The following SLC35G2 variants were observed in gnomAD, a reference collection of about 807,000 sequenced individuals.
The protein encoded by SLC35G2 is solute carrier family 35 member G2.
In SLC35G2, 20 loss-of-function variants were observed where a neutral mutation model predicts 27.2. The ratio of observed to expected loss-of-function variants is 0.74; its 90% CI spans 0.52 to 1.07. The LOEUF (loss-of-function observed/expected upper bound fraction) is 1.07. Among genes scored for constraint, SLC35G2 ranks in the 50% least tolerant of loss-of-function variants. The pLI is 0.00. For synonymous variants in SLC35G2, 148 were observed against 165.3 expected (o/e 0.90, Z 0.80); for missense variants, 416 against 493.3 (o/e 0.84, Z 1.48).
intron 1 of SLC35G2, among the ~76,000 whole-genome samples, chr3:136,853,901 T>G (rs1937814945): frequency 6.6e-6 from 1 of 152,216 alleles, no homozygotes; most frequent in Non-Finnish European, 1.5e-5. Flanking sequence ...TTCATGTTAT[T>G]TATGTTCTAA....
intron 1 of SLC35G2, among the ~76,000 whole-genome samples, chr3:136,840,395 C>G (rs997605726): frequency 5.3e-5 from 8 of 152,144 alleles, no homozygotes; most frequent in African/African-American, 1.9e-4. Context: ...ATTATCACCA[C>G]TGACCTGTCA....
rs1022276967 is a variant in SLC35G2, at chr3:136,846,930, G to A, written c.-18-7513G>A. Among the ~76,000 whole-genome samples, 23 of 152,074 alleles carry A rather than the reference G, an allele frequency of 1.5e-4. 1 individual carries two copies. The highest frequency in any genetic ancestry group is 6.6e-5 in the Admixed American group (1 of 15,260). The stretch of plus-strand genomic sequence containing the variant: ...CACACCTGTAATCCCAGTACTTTGC[G>A]CTAAGGCGAGTGAATCACCTGAGGT... On this transcript the variant is annotated intron_variant, in intron 1 of 1. Coordinates refer to ENST00000446465, the MANE Select transcript of SLC35G2 (RefSeq NM_025246.3).
At chr3:136,837,904 A>T (rs931319261) in intron 1 of SLC35G2, 2 of 151,704 alleles carry the variant, frequency 1.3e-5, no homozygotes, top group African/African-American at 4.9e-5. Context: ...CACTGGTACA[A>T]TCTTGGCTCA....
At chr3:136,853,331 T>C (rs554261713) in intron 1 of SLC35G2, among the ~76,000 whole-genome samples, 1 of 152,194 alleles carries the variant, frequency 6.6e-6, no homozygotes, top group Admixed American at 6.5e-5. Flanking sequence ...CTCAAACTTC[T>C]GGCCTCAAGT....
At chr3:136,852,308 CA>C (rs751570068) in intron 1 of SLC35G2, among the ~76,000 whole-genome samples, 9 of 151,934 alleles carry the variant, frequency 5.9e-5, no homozygotes, top group Non-Finnish European at 1.3e-4. Flanking sequence ...TGACTTCTTC[CA>C]GCTGAAGGTG....
chr3:136,823,626 A>G (rs1246964467), intron 1 of SLC35G2, among the ~76,000 whole-genome samples: 3 of 151,560 alleles, frequency 2.0e-5, no homozygotes, highest in Non-Finnish European at 2.9e-5. Context: ...TCCCTCTGTC[A>G]CTCAGGCTGG....
At chr3:136,853,960 T>C (rs1013823354) in intron 1 of SLC35G2, among the ~76,000 whole-genome samples, 14 of 152,226 alleles carry the variant, frequency 9.2e-5, no homozygotes, top group Admixed American at 1.3e-4. Context: ...CCAGAATAAA[T>C]GTTTAAAAAT....
At chr3:136,841,074 C>G (rs1164154157) in intron 1 of SLC35G2, among the ~76,000 whole-genome samples, 1 of 151,848 alleles carries the variant, frequency 6.6e-6, no homozygotes, top group Non-Finnish European at 1.5e-5. Context: ...AGTGATCTGC[C>G]CGCTTCAGCC....
At chr3:136,844,117 G>C (rs1158704706) in intron 1 of SLC35G2, among the ~76,000 whole-genome samples, 1 of 152,022 alleles carries the variant, frequency 6.6e-6, no homozygotes, top group Non-Finnish European at 1.5e-5. Flanking sequence ...GCTTGAACCC[G>C]GGAAGCGGAG....
chr3:136,837,250 T>C (rs971201313), intron 1 of SLC35G2: 2 of 152,174 alleles, frequency 1.3e-5, no homozygotes, highest in Admixed American at 6.5e-5. Flanking sequence ...CCAGACACCA[T>C]CCATTCAAAT....
intron 1 of SLC35G2, among the ~76,000 whole-genome samples, chr3:136,822,583 G>T (rs555236917): frequency 4.9e-4 from 75 of 152,312 alleles, no homozygotes; most frequent in African/African-American, 1.7e-3. Flanking sequence ...CCAAAGTGCT[G>T]GGATTACAGG....
At chr3:136,832,271 C>A (rs1936749318) in intron 1 of SLC35G2, among the ~76,000 whole-genome samples, 1 of 152,184 alleles carries the variant, frequency 6.6e-6, no homozygotes, top group African/African-American at 2.4e-5. Context: ...GCCTTGGCCT[C>A]CCAAAATGCT....
chr3:136,840,608 C>T (rs559552758), intron 1 of SLC35G2, among the ~76,000 whole-genome samples: 22 of 145,870 alleles, frequency 1.5e-4, no homozygotes, highest in Non-Finnish European at 2.4e-4. Flanking sequence ...TCTTTCTCTT[C>T]TTTCTCTCCC....
At chr3:136,853,005 T>C (rs1043556304) in intron 1 of SLC35G2, among the ~76,000 whole-genome samples, 12 of 152,244 alleles carry the variant, frequency 7.9e-5, no homozygotes, top group Admixed American at 7.9e-4. Flanking sequence ...ATGCCAGCAC[T>C]GTGGCAAATT....
intron 1 of SLC35G2, among the ~76,000 whole-genome samples, chr3:136,822,687 G>C (rs1936486168): frequency 6.6e-6 from 1 of 152,206 alleles, no homozygotes. Flanking sequence ...CGTGAAGTTT[G>C]TCTTTCTGTG....
At chr3:136,820,486 C>G (rs1052643367) in intron 1 of SLC35G2, 2 of 152,296 alleles carry the variant, frequency 1.3e-5, no homozygotes, top group South Asian at 2.1e-4. Context: ...GAACATAACC[C>G]GAAAGCAAAT....
At chr3:136,828,924 G>A (rs752258387) in intron 1 of SLC35G2, among the ~76,000 whole-genome samples, 2 of 152,106 alleles carry the variant, frequency 1.3e-5, no homozygotes, top group Non-Finnish European at 2.9e-5. Context: ...AGGTTACCAT[G>A]AGGCTTGCAA....
chr3:136,832,942 G>A (rs1017872743), intron 1 of SLC35G2, among the ~76,000 whole-genome samples: 9 of 152,124 alleles, frequency 5.9e-5, no homozygotes, highest in African/African-American at 7.2e-5. Flanking sequence ...GGTGGCGGGC[G>A]CCTGTAGTCC....
rs151202156 is a variant in SLC35G2, at chr3:136,855,291, C to T, written c.831C>T (p.Ser277=). 801 of 1,614,042 alleles carry T rather than the reference C, an allele frequency of 5.0e-4. No individual in the cohort carries two copies. The highest frequency in any genetic ancestry group is 6.4e-4 in the Non-Finnish European group (752 of 1,180,020). ...CTCTCTCAATGATAGTATACAGATC[C>T]ATCAAGGAGAAGATCAGCATGTGGA... is the stretch of plus-strand genomic sequence containing the variant. ...TTALSMIVYR[S]IKEKISMWTA... Residue 277 remains serine, a synonymous_variant, in exon 2 of 2, where the codon TCC becomes TCT. Transcript: ENST00000446465.
Sources: gnomAD v4.1 joint callset for allele counts (sites outside exome capture counted in the v4.1 genomes callset) on GRCh38, gnomAD v4.1.1 for gene constraint, MANE v1.5 for transcripts, NCBI Gene and HGNC (gene_info 2026-07-23, HGNC 2026-07-21) for gene names.